VPS13D: variants seen among roughly 807,000 people sequenced by gnomAD.
VPS13D encodes the protein intermembrane lipid transfer protein VPS13D.
Under a neutral mutation model 461.9 loss-of-function variants are expected in VPS13D, and 187 were observed. That is an observed-to-expected ratio of 0.40 (90% CI 0.36 to 0.46). VPS13D has a LOEUF of 0.46. VPS13D is among the 20% of genes least tolerant of loss of function. VPS13D has a pLI of 0.60. For synonymous variants in VPS13D, 1,951 were observed against 1,986.3 expected (o/e 0.98, Z 0.47); for missense variants, 4,711 against 5,364.9 (o/e 0.88, Z 3.81).
chr1:12,272,949 G>A, intron 17 of VPS13D, 54 bp from the exon 18 acceptor site: 1 of 1,594,972 alleles, frequency 6.3e-7, no homozygotes, highest in Non-Finnish European at 8.5e-7. Context: ...GAGCACCATG[G>A]ATAAAGCTGT....
Position 12,502,187 on chromosome 1 carries a change from G to A in VPS13D, c.12794+4556G>A, listed in dbSNP as rs903533640. ...ACAGCAGCAGGTAGAGAGACTGAAG[G>A]CAGGAAGCCAGTTAGGAGGCCCGTG... On this transcript the variant is annotated intron_variant, in intron 68 of 69. Transcript: ENST00000620676. This position sits in a 1 kb window ranked among gnomAD's most constrained non-coding sequence, Gnocchi z 4.3. Among the ~76,000 whole-genome samples, 1 of 152,292 alleles carries A rather than the reference G, an allele frequency of 6.6e-6. No homozygotes were observed. Among genetic ancestry groups the A allele is most frequent in the South Asian group, 2.1e-4 (1 of 4,822 alleles).
At chr1:12,302,932 T>G (rs919685817) in intron 25 of VPS13D, among the ~76,000 whole-genome samples, 1 of 152,118 alleles carries the variant, frequency 6.6e-6, no homozygotes, top group African/African-American at 2.4e-5. Flanking sequence ...TACCAGTGAT[T>G]GTTCTGTAGA....
At chr1:12,392,291 G>T (rs1474070036) in intron 60 of VPS13D, among the ~76,000 whole-genome samples, 1 of 152,032 alleles carries the variant, frequency 6.6e-6, no homozygotes, top group Non-Finnish European at 1.5e-5. Flanking sequence ...CAGGAGTTTG[G>T]CCAACATGGT....
Position 12,491,552 on chromosome 1 carries a change from A to AT in VPS13D, c.12663-5938dup, listed in dbSNP as rs965398453. On this transcript the variant is annotated intron_variant, in intron 67 of 69. Coordinates refer to ENST00000620676, the MANE Select transcript of VPS13D (RefSeq NM_015378.4). ...GTCACCTTGTTTGGATTTACTGTTG[A>AT]TTTTTTTTTTAAAAGACATGAGTTG... Among the ~76,000 whole-genome samples the AT allele has an allele frequency of 7.0e-4, 106 of 150,782 alleles. 2 individuals are homozygous for AT. The highest frequency in any genetic ancestry group is 2.5e-3 in the Admixed American group (38 of 15,160).
At chr1:12,346,420 G>C (rs1410327122) in intron 43 of VPS13D, among the ~76,000 whole-genome samples, 185 bp from the exon 44 acceptor site, 1 of 152,102 alleles carries the variant, frequency 6.6e-6, no homozygotes, top group African/African-American at 2.4e-5. Flanking sequence ...ACGTTGAATG[G>C]TTATAAAATG....
chr1:12,468,633 C>T (rs1189772395), intron 67 of VPS13D, among the ~76,000 whole-genome samples: 1 of 152,226 alleles, frequency 6.6e-6, no homozygotes, highest in Non-Finnish European at 1.5e-5. Flanking sequence ...ATCTGGTACT[C>T]TTTTGCCAGT....
chr1:12,393,600 G>A lies in VPS13D; in HGVS notation c.11635-6581G>A, dbSNP rs145880686. Among the ~76,000 whole-genome samples, 325 of 152,328 alleles carry A rather than the reference G, an allele frequency of 2.1e-3. 1 individual carries two copies. The highest frequency in any genetic ancestry group is 5.8e-3 in the South Asian group (28 of 4,832). ...TCTTCTGCACGGGCCAAATGGAAGAGTTGAACAAGGATGTGGTGGGAATCA... is the reference window on the plus strand; with the variant it reads ...TCTTCTGCACGGGCCAAATGGAAGAATTGAACAAGGATGTGGTGGGAATCA... On this transcript the variant is annotated intron_variant, in intron 60 of 69. Transcript: ENST00000620676.
rs2100553740 is a variant in VPS13D, at chr1:12,502,157, C to T, written c.12794+4526C>T. Among the ~76,000 whole-genome samples the T allele has an allele frequency of 6.6e-6, 1 of 152,224 alleles. No homozygotes were observed. Among genetic ancestry groups the T allele is most frequent in the East Asian group, 1.9e-4 (1 of 5,174 alleles). ...TCAAAATTCGTCATGAAAAATAAAA[C>T]CTTGACAGCAGCAGGTAGAGAGACT... On this transcript the variant is annotated intron_variant, in intron 68 of 69. Coordinates refer to ENST00000620676, the MANE Select transcript of VPS13D (RefSeq NM_015378.4). This position sits in a 1 kb window ranked among gnomAD's most constrained non-coding sequence, Gnocchi z 4.3.
At chr1:12,235,304 C>T (rs1239486371) in intron 2 of VPS13D, among the ~76,000 whole-genome samples, 1 of 152,128 alleles carries the variant, frequency 6.6e-6, no homozygotes, top group East Asian at 1.9e-4. Context: ...TCCGGCCAGG[C>T]GCGGTGGCTC....
chr1:12,305,994 A>ATTTTTG (rs1381198449), intron 26 of VPS13D, among the ~76,000 whole-genome samples: 3 of 148,944 alleles, frequency 2.0e-5, no homozygotes, highest in Non-Finnish European at 4.5e-5. Flanking sequence ...TTTTATTTTT[A>ATTTTTG]TTTTTTTGAG....
intron 61 of VPS13D, among the ~76,000 whole-genome samples, chr1:12,400,879 G>C (rs899376950): frequency 1.3e-5 from 2 of 151,972 alleles, no homozygotes; most frequent in Non-Finnish European, 2.9e-5. Flanking sequence ...TCCTGAGCCT[G>C]GGAGTTCGAG....
chr1:12,494,196 C>G (rs1173518113), intron 67 of VPS13D, among the ~76,000 whole-genome samples: 2 of 152,124 alleles, frequency 1.3e-5, no homozygotes, highest in South Asian at 2.1e-4. Flanking sequence ...AGTCAAGAAC[C>G]CTGGAAATGG....
intron 67 of VPS13D, among the ~76,000 whole-genome samples, chr1:12,477,180 G>A (rs1323541549): frequency 1.3e-5 from 2 of 152,244 alleles, no homozygotes; most frequent in African/African-American, 4.8e-5. Flanking sequence ...CACGTATCAA[G>A]TCAGCAGTGG....
chr1:12,492,279 A>T (rs1290650838), intron 67 of VPS13D, among the ~76,000 whole-genome samples: 1 of 152,244 alleles, frequency 6.6e-6, no homozygotes, highest in Non-Finnish European at 1.5e-5. Context: ...ATTGGGTACC[A>T]CTATGCTGTA....
chr1:12,232,506 A>T (rs1390335154), intron 1 of VPS13D, among the ~76,000 whole-genome samples: 1 of 152,180 alleles, frequency 6.6e-6, no homozygotes, highest in Admixed American at 6.5e-5. Context: ...GATGACTGAC[A>T]TGGTGGATCA....
At chr1:12,371,353 G>C (rs1048536755) in intron 54 of VPS13D, among the ~76,000 whole-genome samples, 2 of 151,394 alleles carry the variant, frequency 1.3e-5, no homozygotes, top group African/African-American at 4.9e-5. Context: ...ATGTATCTGC[G>C]GTTTATACAC....
chr1:12,242,887 G>GT (rs1251981999), intron 3 of VPS13D, among the ~76,000 whole-genome samples: 1 of 152,044 alleles, frequency 6.6e-6, no homozygotes, highest in Non-Finnish European at 1.5e-5. Context: ...TTACTCAAGT[G>GT]TGAGAACCTC....
chr1:12,291,093 G>A lies in VPS13D; in HGVS notation c.5821G>A (p.Gly1941Ser). ...EFYRERFTTS[G>S]EEALIFQTFK... The stretch of plus-strand genomic sequence containing the variant: ...CTACAGAGAACGGTTCACTACCAGT[G>A]GTGAAGAAGCACTCATCTTCCAGAC... The change falls in exon 23 of 70, where the codon GGT (glycine) becomes AGT (serine). Residue 1941 changes from glycine (G) to serine (S), a missense_variant. Coordinates refer to ENST00000620676, the MANE Select transcript of VPS13D (RefSeq NM_015378.4). 3 of 1,613,216 alleles carry A rather than the reference G, an allele frequency of 1.9e-6. No homozygotes were observed. The highest frequency in any genetic ancestry group is 1.6e-4 in the Middle Eastern group (1 of 6,062).
intron 29 of VPS13D, among the ~76,000 whole-genome samples, chr1:12,312,127 G>A (rs930985396): frequency 2.6e-5 from 4 of 152,250 alleles, no homozygotes; most frequent in Non-Finnish European, 4.4e-5. Context: ...AGGTTATGCT[G>A]TAGTAACAGA....
Sources: gnomAD v4.1 joint callset for allele counts (sites outside exome capture counted in the v4.1 genomes callset) on GRCh38, gnomAD v4.1.1 for gene constraint, Gnocchi (gnomAD v3.1) non-coding constraint, MANE v1.5 for transcripts, NCBI Gene and HGNC (gene_info 2026-07-23, HGNC 2026-07-21) for gene names.